Variants in YAP1 observed in about 807,000 individuals in gnomAD.
YAP1 encodes Yes1 associated transcriptional regulator, also known as transcriptional coactivator YAP1.
Under a neutral mutation model 56.9 loss-of-function variants are expected in YAP1, and 5 were observed. The observed-to-expected ratio is 0.09, with a 90% CI of 0.05 to 0.18. The LOEUF (loss-of-function observed/expected upper bound fraction) is 0.18, where lower values mean the gene tolerates loss of function less well. YAP1 is among the 10% of genes least tolerant of loss of function. YAP1 has a pLI of 1.00. For synonymous variants in YAP1, 265 were observed against 248.1 expected (o/e 1.07, Z -0.64); for missense variants, 539 against 651.8 (o/e 0.83, Z 1.88).
At chr11:102,190,717 C>G (rs1279504130) in intron 4 of YAP1, among the ~76,000 whole-genome samples, 1 of 152,158 alleles carries the variant, frequency 6.6e-6, no homozygotes, top group East Asian at 1.9e-4. Flanking sequence ...GTGGGCAGAT[C>G]ACTTTAGGTA....
At chr11:102,122,459 G>T (rs1943718772) in intron 2 of YAP1, among the ~76,000 whole-genome samples, 1 of 151,952 alleles carries the variant, frequency 6.6e-6, no homozygotes, top group Non-Finnish European at 1.5e-5. Flanking sequence ...ACGGAAGGAA[G>T]CACCAGATTC....
chr11:102,183,330 G>C (rs550360818), intron 3 of YAP1, among the ~76,000 whole-genome samples: 1 of 152,202 alleles, frequency 6.6e-6, no homozygotes, highest in African/African-American at 2.4e-5. Flanking sequence ...CTTCAGAAAT[G>C]AATCCAGCTA....
chr11:102,233,334 G>A lies in YAP1; in HGVS notation c.*3394G>A, dbSNP rs1284361010. ...ATGTAAGAGCATGCTCATATGTTAGGTACTTACATAAATTGTTACATTATT... is the reference window on the plus strand; with the variant it reads ...ATGTAAGAGCATGCTCATATGTTAGATACTTACATAAATTGTTACATTATT... On this transcript the variant is annotated 3_prime_UTR_variant, in exon 9 of 9. Coordinates refer to ENST00000282441, the MANE Select transcript of YAP1 (RefSeq NM_001130145.3). 1.3e-5 allele frequency: 2 copies of A among 151,930 alleles called. No homozygotes were observed. The highest frequency in any genetic ancestry group is 3.9e-4 in the East Asian group (2 of 5,194). 9.4% of individuals were successfully genotyped at this position (151,930 alleles called of 1,614,324 possible). A position where few individuals can be genotyped will look rare whatever the true frequency, so the allele number is the denominator to read the frequency against.
chr11:102,185,483 C>G (rs368292576), intron 3 of YAP1, among the ~76,000 whole-genome samples: 1 of 152,148 alleles, frequency 6.6e-6, no homozygotes, highest in Non-Finnish European at 1.5e-5. Flanking sequence ...CTGTAGCTTT[C>G]TGTCTTACAG....
intron 4 of YAP1, among the ~76,000 whole-genome samples, chr11:102,205,535 T>C (rs1949075034): frequency 6.6e-6 from 1 of 152,192 alleles, no homozygotes; most frequent in Non-Finnish European, 1.5e-5. Flanking sequence ...CATCAATTTT[T>C]ATATCCTCTG....
At chr11:102,145,810 A>G (rs1326930258) in intron 2 of YAP1, among the ~76,000 whole-genome samples, 1 of 152,172 alleles carries the variant, frequency 6.6e-6, no homozygotes, top group Non-Finnish European at 1.5e-5. Context: ...AAGATGCCTT[A>G]TATATATTTC....
At chr11:102,133,443 G>A (rs1399065501) in intron 2 of YAP1, among the ~76,000 whole-genome samples, 2 of 151,874 alleles carry the variant, frequency 1.3e-5, no homozygotes, top group African/African-American at 2.4e-5. Flanking sequence ...CTACAGGCAC[G>A]TTGCTACCAT....
Position 102,186,009 on chromosome 11 carries a change from G to C in YAP1, c.689-9G>C, listed in dbSNP as rs757972279. On this transcript the variant is annotated splice_polypyrimidine_tract_variant and intron_variant, in intron 3 of 8. Coordinates refer to ENST00000282441, the MANE Select transcript of YAP1 (RefSeq NM_001130145.3). ...AACCATGATTTTTTTTTTTTTTTCT[G>C]TATTATAGGTCCTCTTCCTGATGGA... The C allele has an allele frequency of 7.5e-7, 1 of 1,332,696 alleles. No homozygotes were observed. The highest frequency in any genetic ancestry group is 9.7e-7 in the Non-Finnish European group (1 of 1,027,058). The allele number at this position is 1,332,696 out of a possible 1,614,324, so 82.6% of individuals were successfully genotyped here. A position where few individuals can be genotyped will look rare whatever the true frequency, so the allele number is the denominator to read the frequency against.
chr11:102,175,524 T>C (rs1000719164), intron 3 of YAP1, among the ~76,000 whole-genome samples: 1 of 152,272 alleles, frequency 6.6e-6, no homozygotes, highest in Non-Finnish European at 1.5e-5. Context: ...AATATAGTCA[T>C]GTATTGCTTA....
intron 1 of YAP1, among the ~76,000 whole-genome samples, chr11:102,112,027 T>G (rs1942960160): frequency 6.6e-6 from 1 of 152,208 alleles, no homozygotes; most frequent in South Asian, 2.1e-4. Flanking sequence ...GTTTCCCAGT[T>G]GTAGACTATT....
At chr11:102,148,739 A>G (rs1262327695) in intron 2 of YAP1, among the ~76,000 whole-genome samples, 2 of 152,174 alleles carry the variant, frequency 1.3e-5, no homozygotes, top group African/African-American at 4.8e-5. Context: ...CATTATATCA[A>G]TCTACTTTTA....
chr11:102,135,156 A>G (rs1944602163), intron 2 of YAP1, among the ~76,000 whole-genome samples: 2 of 152,058 alleles, frequency 1.3e-5, no homozygotes, highest in African/African-American at 4.8e-5. Flanking sequence ...GCCTGACCAT[A>G]ATTTTTAATT....
intron 4 of YAP1, among the ~76,000 whole-genome samples, chr11:102,192,615 C>T (rs944531701): frequency 6.6e-6 from 1 of 152,196 alleles, no homozygotes; most frequent in African/African-American, 2.4e-5. Flanking sequence ...CTTCTCTTGA[C>T]TCATCTGTAA....
intron 3 of YAP1, among the ~76,000 whole-genome samples, chr11:102,176,146 AACT>A (rs1398302707): frequency 1.3e-5 from 2 of 152,240 alleles, no homozygotes; most frequent in African/African-American, 2.4e-5. Context: ...AAGTATCACA[AACT>A]ACTAACAAGG....
chr11:102,190,315 A>G (rs781411456), intron 4 of YAP1, among the ~76,000 whole-genome samples: 2 of 152,226 alleles, frequency 1.3e-5, no homozygotes, highest in Non-Finnish European at 2.9e-5. Flanking sequence ...TTTAGATAAA[A>G]AGAGCTATTG....
chr11:102,112,079 T>C (rs910077537), intron 1 of YAP1, among the ~76,000 whole-genome samples: 1 of 152,210 alleles, frequency 6.6e-6, no homozygotes, highest in Non-Finnish European at 1.5e-5. Context: ...GCCACATCTG[T>C]ACGTTGCGCA....
At chr11:102,185,800 G>A (rs893716967) in intron 3 of YAP1, among the ~76,000 whole-genome samples, 4 of 151,984 alleles carry the variant, frequency 2.6e-5, no homozygotes, top group Non-Finnish European at 5.9e-5. Context: ...TCATCTCTGT[G>A]TTGAGGAATA....
chr11:102,132,126 TAAA>T (rs981831452), intron 2 of YAP1, among the ~76,000 whole-genome samples: 4 of 149,578 alleles, frequency 2.7e-5, no homozygotes, highest in Admixed American at 2.7e-4. Flanking sequence ...TCAAAAAAAA[TAAA>T]AAAAAAGAGT....
At chr11:102,130,171 GAA>G (rs1160123305) in intron 2 of YAP1, among the ~76,000 whole-genome samples, 1 of 151,856 alleles carries the variant, frequency 6.6e-6, no homozygotes, top group Non-Finnish European at 1.5e-5. Context: ...TATTGACTCA[GAA>G]AAAAAATTCA....
Sources: gnomAD v4.1 joint callset for allele counts (sites outside exome capture counted in the v4.1 genomes callset) on GRCh38, gnomAD v4.1.1 for gene constraint, MANE v1.5 for transcripts, NCBI Gene and HGNC (gene_info 2026-07-23, HGNC 2026-07-21) for gene names.